The following ZNF44 variants were observed in gnomAD, a reference collection of about 807,000 sequenced individuals.
ZNF44 encodes the protein gonadotropin inducible transcription repressor-2.
In ZNF44, 9 loss-of-function variants were observed where a neutral mutation model predicts 11.7. The ratio of observed to expected loss-of-function variants is 0.77; its 90% CI spans 0.46 to 1.35. The LOEUF (loss-of-function observed/expected upper bound fraction) is 1.35, where lower values mean the gene tolerates loss of function less well. ZNF44 is among the 40% of genes most tolerant of loss of function. The pLI is 0.00. For missense variants in ZNF44, 696 were observed against 743.1 expected (o/e 0.94, Z 0.74); for synonymous variants, 224 against 242.7 (o/e 0.92, Z 0.72).
intron 2 of ZNF44, among the ~76,000 whole-genome samples, chr19:12,234,072 A>AAAC (rs1916278491): frequency 6.6e-6 from 1 of 151,860 alleles, no homozygotes; most frequent in African/African-American, 2.4e-5. Context: ...AAAAAAAAAA[A>AAAC]AAAAAATGAC....
chr19:12,258,300 C>T (rs1312090978), intron 5 of ZNF44, among the ~76,000 whole-genome samples: 2 of 132,836 alleles, frequency 1.5e-5, no homozygotes, highest in Non-Finnish European at 3.1e-5. Context: ...TCACTGGATT[C>T]CAGCGTGGGC....
Position 12,273,773 on chromosome 19 carries a change from C to G in ZNF44, c.482G>C (p.Arg161Thr), listed in dbSNP as rs772604798. 6.2e-7 allele frequency: 1 copy of G among 1,614,014 alleles called. No individual in the cohort carries two copies. The highest frequency in any genetic ancestry group is 1.7e-5 in the Admixed American group (1 of 59,990). The stretch of plus-strand genomic sequence containing the variant: ...ATAGGGTTTCTTTCCAGTGTGAGGC[C>G]TTTCACATGTTTGAAAGGAGTGGCG... ...SYRHSFQTCE[R>T]PHTGKKPYDC... Residue 161 changes from arginine to threonine, a missense_variant, in exon 4 of 4, where the codon AGG becomes ACG. Transcript: ENST00000355684.
intron 5 of ZNF44, among the ~76,000 whole-genome samples, chr19:12,252,237 G>C (rs1482029510): frequency 6.6e-6 from 1 of 152,140 alleles, no homozygotes; most frequent in Admixed American, 6.6e-5. Flanking sequence ...CTAGAGAAGA[G>C]GGATAAGAGT....
downstream of ZNF44, among the ~76,000 whole-genome samples, chr19:12,225,495 C>T (rs1447828311): frequency 6.6e-6 from 1 of 152,094 alleles, no homozygotes; most frequent in Non-Finnish European, 1.5e-5. Context: ...AACAACATTC[C>T]TTTCCTAATA....
intron 1 of ZNF44, among the ~76,000 whole-genome samples, chr19:12,290,485 A>G (rs1238496384): frequency 6.6e-6 from 1 of 150,946 alleles, no homozygotes; most frequent in African/African-American, 2.4e-5. Flanking sequence ...GGTGGATCAC[A>G]AGGTCAGGAG....
At chr19:12,267,847 T>A (rs1005320229), downstream of ZNF44, among the ~76,000 whole-genome samples, 30 of 150,944 alleles carry the variant, frequency 2.0e-4, no homozygotes, top group East Asian at 2.5e-3. Flanking sequence ...TTTTTTTTTT[T>A]AATTTTTGAG....
At chr19:12,290,511 C>T (rs1241193188) in intron 1 of ZNF44, among the ~76,000 whole-genome samples, 6 of 150,884 alleles carry the variant, frequency 4.0e-5, no homozygotes, top group Admixed American at 2.7e-4. Flanking sequence ...ACCAGCCTGA[C>T]CAACATGGTG....
upstream of ZNF44, among the ~76,000 whole-genome samples, chr19:12,240,482 A>G (rs1599490540): frequency 6.6e-6 from 1 of 151,476 alleles, no homozygotes; most frequent in East Asian, 1.9e-4. Context: ...AATCAACCCT[A>G]ACGTTCATTT....
At chr19:12,233,877 C>T (rs904072661) in intron 2 of ZNF44, among the ~76,000 whole-genome samples, 16 of 151,980 alleles carry the variant, frequency 1.1e-4, no homozygotes, top group Non-Finnish European at 1.6e-4. Context: ...GCCTGACCAA[C>T]ATGATAAAAC....
intron 5 of ZNF44, among the ~76,000 whole-genome samples, chr19:12,254,191 T>A: frequency 6.7e-6 from 1 of 149,576 alleles, no homozygotes; most frequent in Admixed American, 6.6e-5. Flanking sequence ...AAAAAAACAC[T>A]TTAACAAACT....
intron 1 of ZNF44, among the ~76,000 whole-genome samples, chr19:12,289,767 C>A (rs1967926457): frequency 6.6e-6 from 1 of 151,122 alleles, no homozygotes; most frequent in African/African-American, 2.4e-5. Flanking sequence ...GCCTCAGCCT[C>A]CCGAGTAGCA....
intron 5 of ZNF44, among the ~76,000 whole-genome samples, chr19:12,254,320 G>C (rs1175213065): frequency 6.6e-6 from 1 of 152,020 alleles, no homozygotes; most frequent in Non-Finnish European, 1.5e-5. Flanking sequence ...ACCTCTAAAC[G>C]ACCCACGGAT....
At position 12,266,405 on chromosome 19, in the gene ZNF44, G is replaced by C. The variant is rs924597256; in HGVS notation, c.1912+6082C>G. 10 of 933,942 alleles carry C rather than the reference G, an allele frequency of 1.1e-5. No individual in the cohort carries two copies. In the East Asian group the frequency reaches 9.4e-4, roughly 88 times the overall value. 57.9% of individuals were successfully genotyped at this position (933,942 alleles called of 1,614,324 possible). A position where few individuals can be genotyped will look rare whatever the true frequency, so the allele number is the denominator to read the frequency against. On this transcript the variant is annotated intron_variant and NMD_transcript_variant, in intron 5 of 7. Coordinates refer to the ZNF44 transcript ENST00000393337. ...GAGAAGCCGAGAGCGACCCGAGGGCGCCAAGGCGAGAGGGAAAAAAAACCC... is the reference window on the plus strand; with the variant it reads ...GAGAAGCCGAGAGCGACCCGAGGGCCCCAAGGCGAGAGGGAAAAAAAACCC...
At chr19:12,249,893 T>G in intron 7 of ZNF44, 1 of 945,718 alleles carries the variant, frequency 1.1e-6, no homozygotes, top group East Asian at 6.2e-5. Context: ...AGGCTCAGCT[T>G]GTTTTGTTTC....
downstream of ZNF44, among the ~76,000 whole-genome samples, chr19:12,269,944 A>G (rs1406433169): frequency 6.6e-6 from 1 of 152,182 alleles, no homozygotes; most frequent in Admixed American, 6.5e-5. Context: ...ATTTGCAAGA[A>G]ATATTATTTT....
At chr19:12,274,898 GCTT>G in intron 3 of ZNF44, 72 bp downstream of exon 3, 1 of 1,122,086 alleles carries the variant, frequency 8.9e-7, no homozygotes. Flanking sequence ...CATAATCTTT[GCTT>G]CTTTTTAAAA....
intron 1 of ZNF44, among the ~76,000 whole-genome samples, chr19:12,236,335 G>C (rs1471210380): frequency 2.0e-5 from 3 of 152,198 alleles, no homozygotes; most frequent in African/African-American, 4.8e-5. Context: ...AATCAGACTG[G>C]AATGGCTATA....
chr19:12,273,321 T>C lies in ZNF44; in HGVS notation c.934A>G (p.Lys312Glu). Reference protein sequence around the residue: ...IHTGEKPYTCKQCGKAFCHLG... With the variant: ...IHTGEKPYTCEQCGKAFCHLG... Reference sequence around the variant, plus strand: ...TGACAAAACGCTTTCCCACACTGTTTACATGTATAGGGTTTCTCTCCAGTG... The same window carrying C: ...TGACAAAACGCTTTCCCACACTGTTCACATGTATAGGGTTTCTCTCCAGTG... The change falls in exon 4 of 4, where the codon AAA (lysine) becomes GAA (glutamate). Residue 312 changes from lysine to glutamate, a missense_variant. Lys to Glu is a moderately conservative substitution (Grantham distance 56). Transcript: ENST00000355684. 1 of 1,614,058 alleles carries C rather than the reference T, an allele frequency of 6.2e-7. No homozygotes were observed. Among genetic ancestry groups the C allele is most frequent in the Non-Finnish European group, 8.5e-7 (1 of 1,179,990 alleles).
In ZNF44 at chr19:12,253,686, A is replaced by C. The variant is rs1233780690; in HGVS notation, c.1913-3318T>G. 3.9e-5 allele frequency among the ~76,000 whole-genome samples: 6 copies of C among 152,062 alleles called. No homozygotes were observed. In the South Asian group the frequency reaches 1.0e-3, roughly 26 times the overall value. ...AGAGATCCAGTAGGCAGAAAAAAAA[A>C]CAGGAAGGACAGGCCGAGTACAGTG... On this transcript the variant is annotated intron_variant and NMD_transcript_variant, in intron 5 of 7. Transcript: ENST00000393337.
Sources: allele counts gnomAD v4.1 joint callset (sites outside exome capture counted in the v4.1 genomes callset), GRCh38; gene constraint gnomAD v4.1.1; transcripts MANE v1.5; gene names NCBI Gene and HGNC (gene_info 2026-07-23, HGNC 2026-07-21).